Variants in TMEM108 observed in about 807,000 individuals in gnomAD.
The protein encoded by TMEM108 is transmembrane protein 108.
TMEM108 carries 12 observed loss-of-function variants against 35.1 expected under a neutral mutation model. That is an observed-to-expected ratio of 0.34 (90% CI 0.22 to 0.55). The LOEUF (loss-of-function observed/expected upper bound fraction) is 0.55. Ranked by LOEUF, TMEM108 falls within the 20% of genes least tolerant of loss-of-function variation. The pLI is 0.89. For synonymous variants in TMEM108, 287 were observed against 308.6 expected (o/e 0.93, Z 0.73); for missense variants, 680 against 753.3 (o/e 0.90, Z 1.14).
chr3:133,382,217 C>T lies in TMEM108; in HGVS notation c.1450+1056C>T, dbSNP rs74851659. ...CCACACTGCCCCACCCTCATATCCC[C>T]GCTCCTTGGACAGCCCATTCTCCTC... On this transcript the variant is annotated intron_variant, in intron 4 of 5. Transcript: ENST00000321871. Among the ~76,000 whole-genome samples, 459 of 152,316 alleles carry T rather than the reference C, an allele frequency of 3.0e-3. 4 individuals carry two copies. Among genetic ancestry groups the T allele is most frequent in the African/African-American group, 9.8e-3 (406 of 41,568 alleles).
intron 2 of TMEM108, among the ~76,000 whole-genome samples, chr3:133,100,194 AGACT>A (rs966108919): frequency 2.0e-5 from 3 of 152,208 alleles, no homozygotes; most frequent in African/African-American, 7.2e-5. Context: ...AGATCTTGTG[AGACT>A]TATTCACTAT....
chr3:133,141,599 G>A lies in TMEM108; in HGVS notation c.-46-87667G>A, dbSNP rs535451272. Among the ~76,000 whole-genome samples the A allele has an allele frequency of 1.6e-4, 24 of 152,290 alleles. No individual in the cohort carries two copies. In the East Asian group the frequency reaches 3.1e-3, roughly 20 times the overall value. On this transcript the variant is annotated intron_variant, in intron 2 of 5. Transcript: ENST00000321871. ...AAAAGGCTTTCAGAGCATGTAACTGGATGAAGTGTAAGCCAGGGACTGACC... is the reference window on the plus strand; with the variant it reads ...AAAAGGCTTTCAGAGCATGTAACTGAATGAAGTGTAAGCCAGGGACTGACC...
intron 2 of TMEM108, among the ~76,000 whole-genome samples, chr3:133,109,742 GAGTA>G (rs1316362168): frequency 6.6e-6 from 1 of 152,052 alleles, no homozygotes; most frequent in Non-Finnish European, 1.5e-5. Flanking sequence ...CGTTGACAGT[GAGTA>G]AGTAAGCAAA....
chr3:133,143,631 G>A (rs1295359583), intron 2 of TMEM108, among the ~76,000 whole-genome samples: 2 of 152,148 alleles, frequency 1.3e-5, no homozygotes, highest in Non-Finnish European at 2.9e-5. Context: ...GAGAGATGAA[G>A]CCAATTACCC....
At position 133,058,448 on chromosome 3, in the gene TMEM108, T is replaced by G. The variant is rs114215771; in HGVS notation, c.-47+12428T>G. ...TCACCCCCAGCCTAGCAGTTAACATTGCTGCTGCAGTCAGGTGTGCTTTCT... is the reference window on the plus strand; with the variant it reads ...TCACCCCCAGCCTAGCAGTTAACATGGCTGCTGCAGTCAGGTGTGCTTTCT... On this transcript the variant is annotated intron_variant, in intron 2 of 5. Transcript: ENST00000321871. Among the ~76,000 whole-genome samples, 593 of 152,342 alleles carry G rather than the reference T, an allele frequency of 3.9e-3. 3 individuals carry two copies. The highest frequency in any genetic ancestry group is 7.0e-3 in the Non-Finnish European group (477 of 68,028).
intron 2 of TMEM108, among the ~76,000 whole-genome samples, chr3:133,120,408 G>A (rs950142015): frequency 1.3e-5 from 2 of 152,196 alleles, no homozygotes; most frequent in Non-Finnish European, 2.9e-5. Flanking sequence ...TTCACATTTA[G>A]CGTTCAAGCC....
At chr3:133,243,665 C>T (rs1235478006) in intron 3 of TMEM108, among the ~76,000 whole-genome samples, 2 of 152,094 alleles carry the variant, frequency 1.3e-5, no homozygotes, top group Non-Finnish European at 2.9e-5. Context: ...GGACTACAGG[C>T]GCCTGCCACC....
intron 2 of TMEM108, among the ~76,000 whole-genome samples, chr3:133,149,960 C>T (rs1944774482): frequency 1.3e-5 from 2 of 152,046 alleles, no homozygotes; most frequent in Non-Finnish European, 1.5e-5. Flanking sequence ...TGGGAGTGCA[C>T]ATATCTCTTT....
intron 2 of TMEM108, among the ~76,000 whole-genome samples, chr3:133,179,043 A>G (rs1401601684): frequency 6.6e-6 from 1 of 152,194 alleles, no homozygotes; most frequent in Non-Finnish European, 1.5e-5. Flanking sequence ...CAGCCAAAAG[A>G]CACATGAAAA....
chr3:133,048,688 A>G (rs1226238822), intron 2 of TMEM108, among the ~76,000 whole-genome samples: 1 of 152,204 alleles, frequency 6.6e-6, no homozygotes, highest in Non-Finnish European at 1.5e-5. Context: ...TTTTGGATCT[A>G]CTATGTAGAG....
intron 3 of TMEM108, among the ~76,000 whole-genome samples, chr3:133,286,504 A>C (rs59372566): frequency 6.6e-6 from 1 of 152,170 alleles, no homozygotes; most frequent in East Asian, 1.9e-4. Flanking sequence ...CAGCTAATTA[A>C]AAATTTTTTT....
chr3:133,333,651 G>C (rs2071431488), intron 3 of TMEM108, among the ~76,000 whole-genome samples: 1 of 152,170 alleles, frequency 6.6e-6, no homozygotes, highest in Admixed American at 6.5e-5. Context: ...GGCATAAAAG[G>C]CTTAAGAGTT....
intron 3 of TMEM108, among the ~76,000 whole-genome samples, chr3:133,354,455 G>A (rs55872831): frequency 0.32 from 49,151 of 152,128 alleles, 8,633 homozygotes; most frequent in East Asian, 0.48. Context: ...CCATCTCCAC[G>A]GGAGCTTTGC....
intron 2 of TMEM108, among the ~76,000 whole-genome samples, chr3:133,166,900 ATTTTACAGAGAGCTGATTGGTCCG>A (rs1229925031): frequency 5.3e-5 from 8 of 152,224 alleles, no homozygotes; most frequent in African/African-American, 1.7e-4. Context: ...TCATTGGCCC[ATTTTACAGAGAGCTGATTGGTCCG>A]TTTTACAGAG....
At chr3:133,199,806 A>G (rs1459212672) in intron 2 of TMEM108, among the ~76,000 whole-genome samples, 1 of 152,084 alleles carries the variant, frequency 6.6e-6, no homozygotes, top group African/African-American at 2.4e-5. Flanking sequence ...TCAGACTGGG[A>G]CGTTTAAGTC....
intron 2 of TMEM108, among the ~76,000 whole-genome samples, chr3:133,165,760 C>T (rs1032134445): frequency 5.9e-5 from 9 of 152,194 alleles, no homozygotes; most frequent in African/African-American, 1.9e-4. Flanking sequence ...GTTGGCTAAA[C>T]ATACATGTTG....
intron 2 of TMEM108, among the ~76,000 whole-genome samples, chr3:133,228,189 T>TTA (rs577214516): frequency 6.8e-6 from 1 of 147,690 alleles, no homozygotes; most frequent in South Asian, 2.1e-4. Flanking sequence ...TATATCTCAG[T>TTA]AAAAAAAAAA....
At chr3:133,291,539 A>G (rs1947068993) in intron 3 of TMEM108, among the ~76,000 whole-genome samples, 1 of 152,060 alleles carries the variant, frequency 6.6e-6, no homozygotes, top group Admixed American at 6.6e-5. Context: ...GGGGCTCCCA[A>G]AGTGCTGGGA....
chr3:133,127,008 A>G (rs1944426033), intron 2 of TMEM108, among the ~76,000 whole-genome samples: 1 of 152,124 alleles, frequency 6.6e-6, no homozygotes, highest in African/African-American at 2.4e-5. Context: ...TATTAATGAG[A>G]TATTTTGCAT....
Sources: gnomAD v4.1 joint callset for allele counts (sites outside exome capture counted in the v4.1 genomes callset) on GRCh38, gnomAD v4.1.1 for gene constraint, MANE v1.5 for transcripts, NCBI Gene and HGNC (gene_info 2026-07-23, HGNC 2026-07-21) for gene names.